The following FHOD3 variants were observed in gnomAD, a reference collection of about 807,000 sequenced individuals.
FHOD3 encodes the protein FH1/FH2 domain-containing protein 3.
In FHOD3, 90 loss-of-function variants were observed where a neutral mutation model predicts 173.0. The ratio of observed to expected loss-of-function variants is 0.52; its 90% CI spans 0.44 to 0.62. The LOEUF (loss-of-function observed/expected upper bound fraction) is 0.62, where lower values mean the gene tolerates loss of function less well. Ranked by LOEUF, FHOD3 falls within the 20% of genes least tolerant of loss-of-function variation. The pLI is 0.00. For synonymous variants in FHOD3, 828 were observed against 823.0 expected, an observed-to-expected ratio of 1.01 and a Z score of -0.10; for missense variants, 1,945 against 2,034.7, an observed-to-expected ratio of 0.96 and a Z score of 0.85.
intron 7 of FHOD3, 122 bp downstream of exon 7, chr18:36,595,020 C>T (rs927852071): frequency 4.8e-6 from 3 of 630,606 alleles, no homozygotes; most frequent in African/African-American, 3.7e-5. Flanking sequence ...GTGGACTTCC[C>T]ACTGCAAGAA....
At position 36,364,402 on chromosome 18, in the gene FHOD3, G is replaced by A. The variant is rs142648466; in HGVS notation, c.273-8278G>A. ...AAGGAAAGGGACGAAGGGAGTGCAC[G>A]CCCATTTCTGTGTGCACATAGCTTT... On this transcript the variant is annotated intron_variant, in intron 2 of 28. Transcript: ENST00000590592. 7.9e-5 allele frequency among the ~76,000 whole-genome samples: 12 copies of A among 152,208 alleles called. No individual in the cohort carries two copies. The East Asian group carries it at 9.6e-4, about 12-fold the overall frequency.
In FHOD3 at chr18:36,615,903, G is replaced by A. The variant is rs190584677; in HGVS notation, c.957+3808G>A. On this transcript the variant is annotated intron_variant, in intron 9 of 28. Transcript: ENST00000590592. ...ATTATCTTTATATGATCTTGGGAGA[G>A]AAGAAACTGGGCCCAACATATTTGC... Among the ~76,000 whole-genome samples the A allele has an allele frequency of 4.1e-4, 62 of 152,328 alleles. No individual in the cohort carries two copies. In the East Asian group the frequency reaches 0.01, roughly 26 times the overall value.
intron 8 of FHOD3, among the ~76,000 whole-genome samples, chr18:36,610,907 G>A (rs8083953): frequency 0.025 from 3,807 of 152,246 alleles, 169 homozygotes; most frequent in African/African-American, 0.088. Flanking sequence ...GTCTTCAGTC[G>A]CTTCCTGTTG....
intron 3 of FHOD3, among the ~76,000 whole-genome samples, chr18:36,445,575 C>G (rs988690215): frequency 1.3e-5 from 2 of 152,166 alleles, no homozygotes; most frequent in African/African-American, 4.8e-5. Context: ...CTTCTCTACT[C>G]CCTAATTCTG....
chr18:36,695,649 A>G (rs954250463), intron 17 of FHOD3, among the ~76,000 whole-genome samples: 4 of 152,208 alleles, frequency 2.6e-5, no homozygotes, highest in African/African-American at 4.8e-5. Context: ...CCTTGTCCTG[A>G]TATGTAATTG....
chr18:36,648,580 G>T (rs1217780644), intron 10 of FHOD3, among the ~76,000 whole-genome samples: 1 of 152,122 alleles, frequency 6.6e-6, no homozygotes, highest in Non-Finnish European at 1.5e-5. Flanking sequence ...TGGTCGGGGG[G>T]ACTGCTTTCC....
At position 36,775,533 on chromosome 18, in the gene FHOD3, T is replaced by A. The variant is rs1328151562; in HGVS notation, c.4787-3915T>A. On this transcript the variant is annotated intron_variant, in intron 28 of 28. Transcript: ENST00000590592. ...CACTTATTGAAGATATAACAAGAGT[T>A]CCCATCTCACAGTGTTTCCATAAAG... is the stretch of plus-strand genomic sequence containing the variant. Among the ~76,000 whole-genome samples the A allele has an allele frequency of 5.9e-5, 9 of 152,132 alleles. No homozygotes were observed. In the East Asian group the frequency reaches 1.7e-3, roughly 29 times the overall value.
At chr18:36,416,043 TA>T (rs1328073272) in intron 3 of FHOD3, among the ~76,000 whole-genome samples, 1 of 152,220 alleles carries the variant, frequency 6.6e-6, no homozygotes, top group African/African-American at 2.4e-5. Context: ...ATTTTTTATT[TA>T]TTTTTTTGAG....
chr18:36,648,538 A>G (rs2035838071), intron 10 of FHOD3, among the ~76,000 whole-genome samples: 1 of 152,222 alleles, frequency 6.6e-6, no homozygotes, highest in African/African-American at 2.4e-5. Context: ...GCTAGGGTAG[A>G]GCTCCAGAAT....
intron 20 of FHOD3, 79 bp from the exon 21 acceptor site, chr18:36,740,577 T>C (rs1052311739): frequency 5.0e-5 from 66 of 1,308,404 alleles, no homozygotes; most frequent in Middle Eastern, 5.1e-4. Flanking sequence ...AAAATTATAA[T>C]ATGAATTTTA....
chr18:36,454,775 A>C (rs1229307742), intron 3 of FHOD3, among the ~76,000 whole-genome samples: 1 of 151,460 alleles, frequency 6.6e-6, no homozygotes. Flanking sequence ...GCTCTTCGGC[A>C]TGGGGGAGGA....
chr18:36,764,140 G>A (rs989706444), intron 27 of FHOD3, among the ~76,000 whole-genome samples: 1 of 152,178 alleles, frequency 6.6e-6, no homozygotes, highest in African/African-American at 2.4e-5. Flanking sequence ...GACCAGTGCT[G>A]TCTGTAAAAG....
chr18:36,716,510 T>C (rs2040457225), intron 18 of FHOD3, among the ~76,000 whole-genome samples: 1 of 152,196 alleles, frequency 6.6e-6, no homozygotes, highest in Non-Finnish European at 1.5e-5. Flanking sequence ...TGGTATTTTA[T>C]GGATGGCATT....
chr18:36,618,299 T>C (rs919643840), intron 9 of FHOD3, among the ~76,000 whole-genome samples: 6 of 147,150 alleles, frequency 4.1e-5, no homozygotes, highest in African/African-American at 1.5e-4. Context: ...TTGGTAATGA[T>C]GTTTTTTGGT....
At position 36,343,745 on chromosome 18, in the gene FHOD3, CTG is replaced by C. The variant is rs759492067; in HGVS notation, c.166-11791_166-11790del. ...ATGCCCAGTCTTCCAGCCAGCAGGA[CTG>C]TGAGCCAGATAACTCTTCTAAAATT... is the stretch of plus-strand genomic sequence containing the variant. On this transcript the variant is annotated intron_variant, in intron 1 of 28. Transcript: ENST00000590592. Among the ~76,000 whole-genome samples the C allele has an allele frequency of 2.6e-4, 40 of 152,178 alleles. 1 individual carries two copies. Among genetic ancestry groups the C allele is most frequent in the Admixed American group, 1.3e-4 (2 of 15,276 alleles).
At chr18:36,754,999 TA>T in intron 24 of FHOD3, 119 bp from the exon 25 acceptor site, 1 of 205,614 alleles carries the variant, frequency 4.9e-6, no homozygotes, top group Non-Finnish European at 9.1e-6. Flanking sequence ...TTATTATTAT[TA>T]TTATTATTAT....
intron 3 of FHOD3, among the ~76,000 whole-genome samples, chr18:36,404,022 T>C (rs1171705807): frequency 3.3e-5 from 5 of 152,186 alleles, no homozygotes; most frequent in African/African-American, 1.2e-4. Flanking sequence ...GGTTTTGATA[T>C]CCCCTGCATA....
At chr18:36,442,156 T>G (rs185170034) in intron 3 of FHOD3, among the ~76,000 whole-genome samples, 250 of 152,306 alleles carry the variant, frequency 1.6e-3, no homozygotes, top group African/African-American at 6.0e-3. Context: ...CTGCTCCCCT[T>G]CTCCCAGATT....
intron 1 of FHOD3, among the ~76,000 whole-genome samples, chr18:36,316,209 A>C (rs1430879927): frequency 1.3e-5 from 2 of 152,182 alleles, no homozygotes; most frequent in African/African-American, 4.8e-5. Context: ...TAGTTCTGCA[A>C]AGTCTAAACA....
Sources: gnomAD v4.1 joint callset for allele counts (sites outside exome capture counted in the v4.1 genomes callset) on GRCh38, gnomAD v4.1.1 for gene constraint, MANE v1.5 for transcripts, NCBI Gene and HGNC (gene_info 2026-07-23, HGNC 2026-07-21) for gene names.